Variants in ZDHHC23 observed in about 807,000 individuals in gnomAD.
ZDHHC23 encodes the protein zDHHC palmitoyltransferase 23.
In ZDHHC23, 41 loss-of-function variants were observed where a neutral mutation model predicts 40.2. The observed-to-expected ratio is 1.02, with a 90% confidence interval of 0.79 to 1.32. The LOEUF is 1.32. Among genes scored for constraint, ZDHHC23 ranks in the 40% most tolerant of loss-of-function variants. The pLI is 0.00. For synonymous variants in ZDHHC23, 204 were observed against 210.2 expected, an observed-to-expected ratio of 0.97 and a Z score of 0.26; for missense variants, 471 against 541.5, an observed-to-expected ratio of 0.87 and a Z score of 1.29.
At chr3:113,978,751 G>A in the ZDHHC23 span, 1 of 1,226,234 alleles carries the variant, frequency 8.2e-7, no homozygotes, top group East Asian at 2.4e-5. Context: ...CTACTCTTTT[G>A]TTCTTGAAAA....
At position 113,959,187 on chromosome 3, in the gene ZDHHC23, A is replaced by C; in HGVS notation, c.*557A>C. 1 of 1,067,930 alleles carries C rather than the reference A, an allele frequency of 9.4e-7. No homozygotes were observed. The highest frequency in any genetic ancestry group is 6.8e-5 in the East Asian group (1 of 14,670). 66.2% of individuals were successfully genotyped at this position (1,067,930 alleles called of 1,614,324 possible). A position where few individuals can be genotyped will look rare whatever the true frequency, so the allele number is the denominator to read the frequency against. ...TATTAGGAAAATATTATGATGGAAG[A>C]AAAACGTTTATAGTCTAGAATATTG... On this transcript the variant is annotated 3_prime_UTR_variant, in exon 5 of 5. Coordinates refer to ENST00000638807, the MANE Select transcript of ZDHHC23 (RefSeq NM_001320466.2).
At position 113,958,980 on chromosome 3, in the gene ZDHHC23, T is replaced by G. The variant is rs1939492618; in HGVS notation, c.*350T>G. On this transcript the variant is annotated 3_prime_UTR_variant, in exon 5 of 5. Transcript: ENST00000638807. ...GGATTAGGATAGTTTCTAGTCCCTC[T>G]TTCGATTCTTAATAGCCATGTGACC... 2 of 1,176,112 alleles carry G rather than the reference T, an allele frequency of 1.7e-6. No homozygotes were observed. The highest frequency in any genetic ancestry group is 5.8e-5 in the East Asian group (1 of 17,176). 72.9% of individuals were successfully genotyped at this position (1,176,112 alleles called of 1,614,324 possible). A position where few individuals can be genotyped will look rare whatever the true frequency, so the allele number is the denominator to read the frequency against.
At chr3:113,949,308 G>C (rs968117318) in intron 2 of ZDHHC23, among the ~76,000 whole-genome samples, 15 of 152,234 alleles carry the variant, frequency 9.9e-5, no homozygotes, top group African/African-American at 3.6e-4. Context: ...GTTCCAGAAA[G>C]TTCCTGCCTT....
chr3:113,953,616 C>G, intron 2 of ZDHHC23, 84 bp from the exon 3 acceptor site: 1 of 1,206,304 alleles, frequency 8.3e-7, no homozygotes, highest in Non-Finnish European at 1.2e-6. Context: ...ATCGTTTATC[C>G]CACTGTTTGG....
intron 4 of ZDHHC23, chr3:113,957,941 GCA>G: frequency 2.4e-6 from 1 of 422,092 alleles, no homozygotes; most frequent in Non-Finnish European, 4.6e-6. Context: ...AGTAACTTTA[GCA>G]CTGTTCCTCG....
chr3:113,959,144 A>G lies in ZDHHC23; in HGVS notation c.*514A>G, dbSNP rs1939505675. On this transcript the variant is annotated 3_prime_UTR_variant, in exon 5 of 5. Coordinates refer to ENST00000638807, the MANE Select transcript of ZDHHC23 (RefSeq NM_001320466.2). ...GGAAAGCACTAAAAAACAACTCAAG[A>G]GCCATGGAAATACAAAGTATTAGGA... The G allele has an allele frequency of 9.6e-7, 1 of 1,045,804 alleles. No homozygotes were observed. Among genetic ancestry groups the G allele is most frequent in the African/African-American group, 1.7e-5 (1 of 60,472 alleles). The allele number at this position is 1,045,804 out of a possible 1,614,324, so 64.8% of individuals were successfully genotyped here. A position where few individuals can be genotyped will look rare whatever the true frequency, so the allele number is the denominator to read the frequency against.
rs147571063 is a variant in ZDHHC23 at position 113,949,023 on chromosome 3, A to G, written c.161+60A>G. 23 of 1,590,510 alleles carry G rather than the reference A, an allele frequency of 1.4e-5. No individual in the cohort carries two copies. In the Admixed American group the frequency reaches 3.0e-4, roughly 21 times the overall value. ...CACCCTTCTGAGAACTGCCATGTGT[A>G]CTTTCAACCTAGCCACCCAGAATGC... On this transcript the variant is annotated intron_variant, in intron 2 of 4. Transcript: ENST00000638807.
the ZDHHC23 span, among the ~76,000 whole-genome samples, chr3:113,975,997 C>T: frequency 6.6e-6 from 1 of 152,162 alleles, no homozygotes; most frequent in African/African-American, 2.4e-5. Context: ...ATGGCTCACA[C>T]CTGTAATCCT....
downstream of ZDHHC23, chr3:113,965,278 T>A (rs1466309620): frequency 1.2e-6 from 2 of 1,613,016 alleles, no homozygotes; most frequent in African/African-American, 1.3e-5. Context: ...GAAGTTGCTG[T>A]CGCCTTTCTT....
chr3:113,956,601 C>G, intron 4 of ZDHHC23, 95 bp downstream of exon 4: 1 of 1,292,986 alleles, frequency 7.7e-7, no homozygotes. Flanking sequence ...AGTTCTCAAT[C>G]AAAACATAGG....
At chr3:113,953,666 T>G (rs747867634) in intron 2 of ZDHHC23, 34 bp from the exon 3 acceptor site, 1 of 1,565,774 alleles carries the variant, frequency 6.4e-7, no homozygotes, top group Non-Finnish European at 8.7e-7. Context: ...CAAACCCACA[T>G]GAAGTCCCTC....
At position 113,958,566 on chromosome 3, in the gene ZDHHC23, A is replaced by C; in HGVS notation, c.1244A>C (p.Asn415Thr). 1 of 1,610,414 alleles carries C rather than the reference A, an allele frequency of 6.2e-7. No homozygotes were observed. Among genetic ancestry groups the C allele is most frequent in the Non-Finnish European group, 8.5e-7 (1 of 1,179,968 alleles). The change falls in exon 5 of 5, where the codon AAC (asparagine) becomes ACC (threonine). Residue 415 changes from asparagine to threonine, a missense_variant. Asn to Thr is a moderately conservative substitution (Grantham distance 65, BLOSUM62 0). Around this residue, in one of 3 missense-constraint regions of ZDHHC23, gnomAD observed 346 missense variants for 399.8 expected, o/e 0.87. Transcript: ENST00000638807. ...CAGTACAATAGGGGCTTCCTGCGGA[A>C]CTGGCACCAGTTCTCCACCCTGGGC... The part of the protein sequence containing the change: ...TGQYNRGFLR[N>T]WHQFSTLGTR...
chr3:113,960,593 CT>C lies in ZDHHC23; in HGVS notation c.*1965del, dbSNP rs1034442128. On this transcript the variant is annotated 3_prime_UTR_variant, in exon 5 of 5. Transcript: ENST00000638807. Reference sequence around the variant, plus strand: ...AAACATTAGTCAGTAATTTTAGCTTCTTGCCAAATTGTTCACAACATCTAAA... The same window carrying C: ...AAACATTAGTCAGTAATTTTAGCTTCTGCCAAATTGTTCACAACATCTAAA... The C allele has an allele frequency of 1.0e-5, 16 of 1,542,618 alleles. No homozygotes were observed. The highest frequency in any genetic ancestry group is 1.4e-5 in the Non-Finnish European group (16 of 1,152,288).
intron 4 of ZDHHC23, chr3:113,957,537 G>A (rs1222048319): frequency 1.6e-5 from 6 of 379,038 alleles, no homozygotes; most frequent in South Asian, 3.9e-5. Context: ...GTGCGGAGGC[G>A]AGGGAACCGA....
Position 113,948,666 on chromosome 3 carries a change from T to C in ZDHHC23, c.-117-20T>C, listed in dbSNP as rs1230978481. ...AACGGGACCCCCTCCCCCTCTCTCT[T>C]CTCATTTTTGATTGCTCAGGCGTTG... On this transcript the variant is annotated intron_variant, in intron 1 of 4. Coordinates refer to ENST00000638807, the MANE Select transcript of ZDHHC23 (RefSeq NM_001320466.2). 16 of 1,031,728 alleles carry C rather than the reference T, an allele frequency of 1.6e-5. No individual in the cohort carries two copies. The highest frequency in any genetic ancestry group is 1.5e-4 in the East Asian group (6 of 39,678). The allele number at this position is 1,031,728 out of a possible 1,614,324, so 63.9% of individuals were successfully genotyped here. A position where few individuals can be genotyped will look rare whatever the true frequency, so the allele number is the denominator to read the frequency against.
chr3:113,978,829 A>G, the ZDHHC23 span: 1 of 1,604,148 alleles, frequency 6.2e-7, no homozygotes, highest in African/African-American at 1.3e-5. Context: ...AATGAGATGT[A>G]TTTAAGGTAC....
In ZDHHC23 at chr3:113,948,080, G is replaced by T. The variant is rs1482068898; in HGVS notation, c.-228G>T. Reference sequence around the variant, plus strand: ...GGGTCCCGGAGACTCCTGCCGTCACGCCCGGGGCTCCGCGTAGCAGAGATC... The same window carrying T: ...GGGTCCCGGAGACTCCTGCCGTCACTCCCGGGGCTCCGCGTAGCAGAGATC... On this transcript the variant is annotated 5_prime_UTR_variant, in exon 1 of 5. Coordinates refer to ENST00000638807, the MANE Select transcript of ZDHHC23 (RefSeq NM_001320466.2). The T allele has an allele frequency of 6.6e-6, 1 of 150,924 alleles. No individual in the cohort carries two copies. The highest frequency in any genetic ancestry group is 1.5e-5 in the Non-Finnish European group (1 of 67,628). 9.3% of individuals were successfully genotyped at this position (150,924 alleles called of 1,614,324 possible).
the ZDHHC23 span, chr3:113,978,231 A>C: frequency 6.2e-7 from 1 of 1,614,030 alleles, no homozygotes; most frequent in Non-Finnish European, 8.5e-7. Flanking sequence ...CTGAGAATCG[A>C]TCTTCACCTC....
chr3:113,958,813 AC>A lies in ZDHHC23; in HGVS notation c.*184del. 2 of 1,453,644 alleles carry A rather than the reference AC, an allele frequency of 1.4e-6. No individual in the cohort carries two copies. The highest frequency in any genetic ancestry group is 1.8e-6 in the Non-Finnish European group (2 of 1,092,102). The allele number at this position is 1,453,644 out of a possible 1,614,324, so 90.0% of individuals were successfully genotyped here. A position where few individuals can be genotyped will look rare whatever the true frequency, so the allele number is the denominator to read the frequency against. ...ACGCCACAACTTAAGAGACTTTTATACTGAGGCAGTAAAAGTAGAGCCATTC... is the reference window on the plus strand; with the variant it reads ...ACGCCACAACTTAAGAGACTTTTATATGAGGCAGTAAAAGTAGAGCCATTC... On this transcript the variant is annotated 3_prime_UTR_variant, in exon 5 of 5. Coordinates refer to ENST00000638807, the MANE Select transcript of ZDHHC23 (RefSeq NM_001320466.2).
Sources: allele counts gnomAD v4.1 joint callset (sites outside exome capture counted in the v4.1 genomes callset), GRCh38; gene constraint gnomAD v4.1.1; regional missense constraint gnomAD v4.1.1; transcripts MANE v1.5; gene names NCBI Gene and HGNC (gene_info 2026-07-23, HGNC 2026-07-21).